Variants in CCSER1 observed in about 807,000 individuals in gnomAD.
The protein encoded by CCSER1 is coiled-coil serine rich protein 1, also known as serine-rich coiled-coil domain-containing protein 1.
A neutral mutation model predicts 82.0 loss-of-function variants in CCSER1; 41 were observed. That is an observed-to-expected ratio of 0.50 (90% confidence interval 0.39 to 0.65). The LOEUF is 0.65. Ranked by LOEUF, CCSER1 falls within the 30% of genes least tolerant of loss-of-function variation. The probability of loss-of-function intolerance (pLI) is 0.00; values close to 1 mark genes in which losing one functional copy is unlikely to be tolerated. For synonymous variants in CCSER1, 414 were observed against 383.9 expected (o/e 1.08, Z -0.92); for missense variants, 1,119 against 1,064.2 (o/e 1.05, Z -0.72).
Position 90,815,750 on chromosome 4 carries a change from A to C in CCSER1, c.2011-12A>C. On this transcript the variant is annotated splice_polypyrimidine_tract_variant and intron_variant, in intron 7 of 10. Coordinates refer to ENST00000509176, the MANE Select transcript of CCSER1 (RefSeq NM_001145065.2). ...CTAAGCCTATTATGCTGTCTCTTTGATGTTTTTATAGGATATAATGAAAGA... is the reference window on the plus strand; with the variant it reads ...CTAAGCCTATTATGCTGTCTCTTTGCTGTTTTTATAGGATATAATGAAAGA... 2.6e-6 allele frequency: 4 copies of C among 1,544,558 alleles called. No homozygotes were observed. The highest frequency in any genetic ancestry group is 3.5e-6 in the Non-Finnish European group (4 of 1,141,216).
intron 9 of CCSER1, among the ~76,000 whole-genome samples, chr4:90,971,478 G>A (rs370783188): frequency 8.6e-5 from 13 of 151,902 alleles, no homozygotes; most frequent in African/African-American, 2.4e-4. Flanking sequence ...ATTTGGGTGG[G>A]GAAAGAAAAG....
At chr4:91,173,081 GATC>G (rs1211937072) in intron 10 of CCSER1, among the ~76,000 whole-genome samples, 1 of 152,072 alleles carries the variant, frequency 6.6e-6, no homozygotes, top group African/African-American at 2.4e-5. Context: ...TGGCCCTGTT[GATC>G]ATCAAGATGA....
intron 8 of CCSER1, among the ~76,000 whole-genome samples, chr4:90,856,730 C>G (rs549007726): frequency 2.0e-5 from 3 of 152,138 alleles, no homozygotes; most frequent in Non-Finnish European, 2.9e-5. Flanking sequence ...CAGTTTCTGT[C>G]TATAAAATAG....
At chr4:91,193,698 T>C (rs1581747067) in intron 10 of CCSER1, among the ~76,000 whole-genome samples, 1 of 152,332 alleles carries the variant, frequency 6.6e-6, no homozygotes, top group African/African-American at 2.4e-5. Context: ...GTAAAGATTC[T>C]TCTAAGTCCC....
chr4:91,077,005 T>G (rs1181785426), intron 9 of CCSER1, among the ~76,000 whole-genome samples: 1 of 150,876 alleles, frequency 6.6e-6, no homozygotes, highest in Non-Finnish European at 1.5e-5. Context: ...CCAGAATATT[T>G]GTTTGAATAG....
At position 90,394,647 on chromosome 4, in the gene CCSER1, A is replaced by G. The variant is rs535809368; in HGVS notation, c.1510-5389A>G. 4.6e-5 allele frequency among the ~76,000 whole-genome samples: 7 copies of G among 152,290 alleles called. No individual in the cohort carries two copies. The South Asian group carries it at 1.0e-3, about 23-fold the overall frequency. Reference sequence around the variant, plus strand: ...TGATGGCCTTTATATATTTGTTTAAATTTTATATAAGTAAATTCTTTCCAG... The same window carrying G: ...TGATGGCCTTTATATATTTGTTTAAGTTTTATATAAGTAAATTCTTTCCAG... On this transcript the variant is annotated intron_variant, in intron 3 of 10. Coordinates refer to ENST00000509176, the MANE Select transcript of CCSER1 (RefSeq NM_001145065.2).
At chr4:90,746,325 A>C (rs1260785493) in intron 7 of CCSER1, among the ~76,000 whole-genome samples, 1 of 152,192 alleles carries the variant, frequency 6.6e-6, no homozygotes, top group Non-Finnish European at 1.5e-5. Flanking sequence ...GATGAAAAAA[A>C]TTCACTTAAG....
At chr4:91,252,534 CT>C (rs1740331732) in intron 10 of CCSER1, among the ~76,000 whole-genome samples, 1 of 152,090 alleles carries the variant, frequency 6.6e-6, no homozygotes, top group African/African-American at 2.4e-5. Flanking sequence ...AATGTGAAAA[CT>C]AACATTATTG....
Position 91,297,223 on chromosome 4 carries a change from CTTATG to C in CCSER1, c.2217+211237_2217+211241del, listed in dbSNP as rs375853021. On this transcript the variant is annotated intron_variant, in intron 10 of 10. Coordinates refer to ENST00000509176, the MANE Select transcript of CCSER1 (RefSeq NM_001145065.2). ...TTTTCTTCTCCTCTCTTTTAATAAA[CTTATG>C]TTATGTTTGTAAAAAAGACAGATAC... 7.8e-3 allele frequency among the ~76,000 whole-genome samples: 1,182 copies of C among 151,784 alleles called. 13 individuals are homozygous for C. The highest frequency in any genetic ancestry group is 0.027 in the African/African-American group (1,117 of 41,446).
chr4:91,437,855 C>A (rs187523929), intron 10 of CCSER1, among the ~76,000 whole-genome samples: 1 of 152,240 alleles, frequency 6.6e-6, no homozygotes, highest in Non-Finnish European at 1.5e-5. Context: ...GAGGGTCCTA[C>A]GCCCACAGAG....
At chr4:91,274,038 A>G (rs1427620004) in intron 10 of CCSER1, among the ~76,000 whole-genome samples, 1 of 152,232 alleles carries the variant, frequency 6.6e-6, no homozygotes, top group African/African-American at 2.4e-5. Flanking sequence ...TATACATATT[A>G]TACCAATAAG....
At chr4:90,624,793 C>T (rs1560833907) in intron 5 of CCSER1, among the ~76,000 whole-genome samples, 3 of 152,116 alleles carry the variant, frequency 2.0e-5, no homozygotes, top group African/African-American at 4.8e-5. Context: ...GTTACTAAAT[C>T]TTAAATTATA....
chr4:90,517,730 A>G (rs1176064995), intron 5 of CCSER1, among the ~76,000 whole-genome samples: 1 of 152,184 alleles, frequency 6.6e-6, no homozygotes, highest in East Asian at 1.9e-4. Flanking sequence ...TTACACATTC[A>G]GAGAAGGCTA....
At chr4:90,365,073 A>G (rs555371448) in intron 3 of CCSER1, among the ~76,000 whole-genome samples, 1 of 151,986 alleles carries the variant, frequency 6.6e-6, no homozygotes, top group South Asian at 2.1e-4. Flanking sequence ...TGATATTGCA[A>G]TCAGTGAAAT....
At chr4:90,485,164 C>A (rs1766804398) in intron 5 of CCSER1, among the ~76,000 whole-genome samples, 1 of 152,216 alleles carries the variant, frequency 6.6e-6, no homozygotes, top group South Asian at 2.1e-4. Flanking sequence ...GGGCGTAGGA[C>A]CCTCTGAGCC....
chr4:90,630,866 C>G (rs1397391307), intron 6 of CCSER1, among the ~76,000 whole-genome samples: 1 of 132,894 alleles, frequency 7.5e-6, no homozygotes, highest in African/African-American at 2.9e-5. Context: ...TCTTTGTTCA[C>G]AGATTATTAT....
At chr4:90,459,695 C>T (rs1485977342) in intron 4 of CCSER1, among the ~76,000 whole-genome samples, 1 of 151,964 alleles carries the variant, frequency 6.6e-6, no homozygotes, top group Non-Finnish European at 1.5e-5. Flanking sequence ...GATTAGCGCC[C>T]ACCATAATGA....
intron 9 of CCSER1, among the ~76,000 whole-genome samples, chr4:90,968,622 G>C (rs543103264): frequency 1.4e-4 from 22 of 152,194 alleles, no homozygotes; most frequent in African/African-American, 4.6e-4. Context: ...GAGTGGAACA[G>C]GTACATCCAT....
At chr4:91,566,023 G>T (rs1762870988) in intron 10 of CCSER1, among the ~76,000 whole-genome samples, 1 of 152,074 alleles carries the variant, frequency 6.6e-6, no homozygotes, top group African/African-American at 2.4e-5. Flanking sequence ...GCTGGCTGTG[G>T]GACTGTCATA....
Sources: gnomAD v4.1 joint callset for allele counts (sites outside exome capture counted in the v4.1 genomes callset) on GRCh38, gnomAD v4.1.1 for gene constraint, MANE v1.5 for transcripts, NCBI Gene and HGNC (gene_info 2026-07-23, HGNC 2026-07-21) for gene names.